NAA25: variants seen among roughly 807,000 people sequenced by gnomAD.
The protein encoded by NAA25 is N-terminal acetyltransferase B complex subunit NAA25.
In NAA25, 30 loss-of-function variants were observed where a neutral mutation model predicts 132.5. The ratio of observed to expected loss-of-function variants is 0.23; its 90% confidence interval spans 0.17 to 0.31. NAA25 has a LOEUF of 0.31. Among genes scored for constraint, NAA25 ranks in the 10% least tolerant of loss-of-function variants. The probability of loss-of-function intolerance (pLI) is 1.00; values close to 1 mark genes in which losing one functional copy is unlikely to be tolerated. For missense variants in NAA25, 771 were observed against 1,150.4 expected, an observed-to-expected ratio of 0.67 and a Z score of 4.77; for synonymous variants, 359 against 401.9, an observed-to-expected ratio of 0.89 and a Z score of 1.28.
intron 9 of NAA25, among the ~76,000 whole-genome samples, chr12:112,072,354 T>G (rs1255034768): frequency 6.6e-6 from 1 of 152,170 alleles, no homozygotes; most frequent in African/African-American, 2.4e-5. Context: ...ACGCCTGTAA[T>G]CCCAGCACTT....
At chr12:112,080,794 T>C (rs1487190445) in intron 5 of NAA25, among the ~76,000 whole-genome samples, 1 of 152,096 alleles carries the variant, frequency 6.6e-6, no homozygotes, top group Non-Finnish European at 1.5e-5. Flanking sequence ...CCACCACACC[T>C]GACCAAAAAA....
At position 112,061,354 on chromosome 12, in the gene NAA25, G is replaced by C; in HGVS notation, c.1184C>G (p.Ser395Trp). 6.2e-7 allele frequency: 1 copy of C among 1,613,932 alleles called. No individual in the cohort carries two copies. Among genetic ancestry groups the C allele is most frequent in the Non-Finnish European group, 8.5e-7 (1 of 1,179,958 alleles). The change falls in exon 12 of 24, where the codon TCG becomes TGG. Residue 395 changes from serine to tryptophan, a missense_variant. Transcript: ENST00000261745. ...INQLLGVVPL[S>W]TPTEDKLALP... ...TGCCAGCTTATCCTCTGTTGGTGTC[G>C]ACAAAGGAACAACTCCAAGTAACTG...
intron 23 of NAA25, among the ~76,000 whole-genome samples, chr12:112,029,940 C>T (rs796511342): frequency 6.6e-6 from 1 of 152,148 alleles, no homozygotes; most frequent in African/African-American, 2.4e-5. Flanking sequence ...GGGCCAGGCA[C>T]GGTGGCTCAC....
chr12:112,102,902 C>T (rs1230812096), intron 1 of NAA25, among the ~76,000 whole-genome samples: 1 of 152,122 alleles, frequency 6.6e-6, no homozygotes, highest in Non-Finnish European at 1.5e-5. Flanking sequence ...GTCGGTGAGA[C>T]TCGTCTCAAA....
chr12:112,078,359 G>T (rs2078922633), intron 6 of NAA25, 93 bp from the exon 7 acceptor site: 5 of 931,034 alleles, frequency 5.4e-6, no homozygotes, highest in Admixed American at 4.6e-5. Context: ...ATTTAATAGA[G>T]CATGTCTTCA....
At chr12:112,077,800 A>T (rs936201324) in intron 7 of NAA25, among the ~76,000 whole-genome samples, 13 of 151,876 alleles carry the variant, frequency 8.6e-5, no homozygotes, top group African/African-American at 1.7e-4. Flanking sequence ...TTAAAGAAAA[A>T]TTTTTTTTAA....
At chr12:112,056,109 G>A (rs1387502373) in intron 13 of NAA25, among the ~76,000 whole-genome samples, 8 of 152,174 alleles carry the variant, frequency 5.3e-5, no homozygotes, top group Admixed American at 1.3e-4. Flanking sequence ...CCAGGGAAGC[G>A]GATCACCTCA....
chr12:112,038,186 G>A (rs2078251972), intron 22 of NAA25, among the ~76,000 whole-genome samples: 1 of 152,084 alleles, frequency 6.6e-6, no homozygotes, highest in African/African-American at 2.4e-5. Context: ...ACTAATTTTT[G>A]TATTTTTAGT....
intron 11 of NAA25, among the ~76,000 whole-genome samples, chr12:112,067,388 C>T (rs2078735558): frequency 6.6e-6 from 1 of 152,160 alleles, no homozygotes. Flanking sequence ...TCTCTGCAAA[C>T]TCAACAGTAG....
chr12:112,042,974 A>G (rs2078323604), intron 19 of NAA25, 114 bp downstream of exon 19: 1 of 987,090 alleles, frequency 1.0e-6, no homozygotes, highest in Non-Finnish European at 1.5e-6. Context: ...TTTGCAGAAC[A>G]GCTTCCAGCT....
At position 112,100,053 on chromosome 12, in the gene NAA25, T is replaced by C. The variant is rs536566459; in HGVS notation, c.59-6917A>G. On this transcript the variant is annotated intron_variant, in intron 1 of 23. Transcript: ENST00000261745. ...ATGAATACAAATTACAGAAGACACA[T>C]TCCTTCACTCAGCAAGCCTTTGTTA... is the stretch of plus-strand genomic sequence containing the variant. 9.8e-5 allele frequency among the ~76,000 whole-genome samples: 15 copies of C among 152,312 alleles called. No homozygotes were observed. The South Asian group carries it at 2.9e-3, about 29-fold the overall frequency.
intron 15 of NAA25, among the ~76,000 whole-genome samples, chr12:112,052,436 T>C (rs2078481519): frequency 1.3e-5 from 2 of 152,092 alleles, no homozygotes; most frequent in African/African-American, 4.8e-5. Flanking sequence ...GGGGAGGGGA[T>C]ACAGGACTAA....
At chr12:112,073,758 C>A (rs974345066) in intron 9 of NAA25, among the ~76,000 whole-genome samples, 1 of 151,636 alleles carries the variant, frequency 6.6e-6, no homozygotes, top group Non-Finnish European at 1.5e-5. Context: ...ACTCTAGATG[C>A]CTATAAAAAG....
At chr12:112,062,446 G>A (rs1443200743) in intron 11 of NAA25, among the ~76,000 whole-genome samples, 1 of 150,654 alleles carries the variant, frequency 6.6e-6, no homozygotes, top group Non-Finnish European at 1.5e-5. Flanking sequence ...GGCCGGGTGT[G>A]GTGCGCGGTG....
intron 17 of NAA25, among the ~76,000 whole-genome samples, chr12:112,046,456 C>T (rs1453323118): frequency 6.6e-6 from 1 of 152,174 alleles, no homozygotes; most frequent in African/African-American, 2.4e-5. Flanking sequence ...CCTGTGAATC[C>T]TTCTGGGACT....
rs2078108146 is a variant in NAA25, at chr12:112,028,398, G to A, written c.*1133C>T. ...TCTATCAGACCAACCACTGATAGAAGAAGCTAGAGTCTTGGGGACATCCAG... is the reference window on the plus strand; with the variant it reads ...TCTATCAGACCAACCACTGATAGAAAAAGCTAGAGTCTTGGGGACATCCAG... On this transcript the variant is annotated 3_prime_UTR_variant, in exon 24 of 24. Coordinates refer to ENST00000261745, the MANE Select transcript of NAA25 (RefSeq NM_024953.4). 1 of 152,522 alleles carries A rather than the reference G, an allele frequency of 6.6e-6. No homozygotes were observed. The highest frequency in any genetic ancestry group is 2.1e-4 in the South Asian group (1 of 4,830). 9.4% of individuals were successfully genotyped at this position (152,522 alleles called of 1,614,324 possible). A position where few individuals can be genotyped will look rare whatever the true frequency, so the allele number is the denominator to read the frequency against.
chr12:112,044,331 A>C (rs1030361054), intron 17 of NAA25, among the ~76,000 whole-genome samples: 2 of 152,078 alleles, frequency 1.3e-5, no homozygotes, highest in Non-Finnish European at 2.9e-5. Flanking sequence ...AAATGTTCTC[A>C]AACCCCATTT....
At chr12:112,048,643 T>C (rs1225395805) in intron 15 of NAA25, among the ~76,000 whole-genome samples, 200 bp from the exon 16 acceptor site, 2 of 152,254 alleles carry the variant, frequency 1.3e-5, no homozygotes, top group African/African-American at 4.8e-5. Flanking sequence ...TCTCCTTTAC[T>C]AATATTACTA....
Position 112,101,481 on chromosome 12 carries a change from G to A in NAA25, c.58+7235C>T, listed in dbSNP as rs371523580. On this transcript the variant is annotated intron_variant, in intron 1 of 23. Coordinates refer to ENST00000261745, the MANE Select transcript of NAA25 (RefSeq NM_024953.4). Reference sequence around the variant, plus strand: ...ATATATATAAGATAATACAGGCCGGGTGCGGTGGCTCATGCCTGTAATCCC... The same window carrying A: ...ATATATATAAGATAATACAGGCCGGATGCGGTGGCTCATGCCTGTAATCCC... 7.2e-5 allele frequency among the ~76,000 whole-genome samples: 11 copies of A among 152,208 alleles called. No individual in the cohort carries two copies. In the South Asian group the frequency reaches 2.3e-3, roughly 32 times the overall value.
Sources: gnomAD v4.1 joint callset for allele counts (sites outside exome capture counted in the v4.1 genomes callset) on GRCh38, gnomAD v4.1.1 for gene constraint, MANE v1.5 for transcripts, NCBI Gene and HGNC (gene_info 2026-07-23, HGNC 2026-07-21) for gene names.